DPP6: variants seen among roughly 807,000 people sequenced by gnomAD.
DPP6 encodes the protein A-type potassium channel modulatory protein DPP6.
DPP6 carries 69 observed loss-of-function variants against 122.6 expected under a neutral mutation model. The ratio of observed to expected loss-of-function variants is 0.56; its 90% CI spans 0.46 to 0.69. The LOEUF (loss-of-function observed/expected upper bound fraction) is 0.69. DPP6 is among the 30% of genes least tolerant of loss of function. The pLI, the probability that DPP6 is intolerant of heterozygous loss-of-function variation, is 0.00. For missense variants in DPP6, 928 were observed against 1,116.9 expected (o/e 0.83, Z 2.41); for synonymous variants, 418 against 433.1 (o/e 0.97, Z 0.43).
chr7:154,300,685 C>T (rs1805846481), intron 1 of DPP6, among the ~76,000 whole-genome samples: 1 of 152,124 alleles, frequency 6.6e-6, no homozygotes, highest in Non-Finnish European at 1.5e-5. Context: ...GGGGCAAGGG[C>T]TTGGATCAAA....
At chr7:153,828,072 A>G in the DPP6 span, among the ~76,000 whole-genome samples, 1 of 121,846 alleles carries the variant, frequency 8.2e-6, no homozygotes, top group African/African-American at 2.9e-5. Context: ...TCTGAATCCC[A>G]CATCACCCCA....
the DPP6 span, among the ~76,000 whole-genome samples, chr7:153,774,782 G>A: frequency 3.2e-4 from 48 of 152,190 alleles, 1 homozygote; most frequent in African/African-American, 1.1e-3. Context: ...CTGGGCAACA[G>A]AGCAAGACGT....
At chr7:154,738,723 G>A (rs573258197) in intron 8 of DPP6, among the ~76,000 whole-genome samples, 2 of 152,316 alleles carry the variant, frequency 1.3e-5, no homozygotes, top group East Asian at 3.9e-4. Context: ...TAGAAATTTG[G>A]TTGAGAATTT....
At chr7:154,818,733 G>A (rs1046581250) in intron 16 of DPP6, among the ~76,000 whole-genome samples, 2 of 152,162 alleles carry the variant, frequency 1.3e-5, no homozygotes, top group Non-Finnish European at 2.9e-5. Context: ...GTTTAGAACC[G>A]GTTTGAAGCT....
chr7:153,933,255 G>C (rs571169966), intron 1 of DPP6, among the ~76,000 whole-genome samples: 1 of 152,138 alleles, frequency 6.6e-6, no homozygotes, highest in East Asian at 1.9e-4. Context: ...ATTGCATTTG[G>C]CTTTAATATT....
At chr7:154,784,032 G>A (rs575730336) in intron 10 of DPP6, among the ~76,000 whole-genome samples, 1 of 152,262 alleles carries the variant, frequency 6.6e-6, no homozygotes, top group East Asian at 1.9e-4. Flanking sequence ...AACTGCACAA[G>A]GAAAGGAGAG....
At chr7:154,764,609 G>A (rs1795787726) in intron 8 of DPP6, among the ~76,000 whole-genome samples, 1 of 152,144 alleles carries the variant, frequency 6.6e-6, no homozygotes, top group African/African-American at 2.4e-5. Context: ...AGCAGGTTCT[G>A]CCATTCCACC....
chr7:154,407,246 T>C (rs1429446731), intron 1 of DPP6, among the ~76,000 whole-genome samples: 4 of 152,216 alleles, frequency 2.6e-5, no homozygotes, highest in African/African-American at 9.6e-5. Context: ...TTTGAGAAGA[T>C]TCCTCCAAGT....
intron 1 of DPP6, among the ~76,000 whole-genome samples, chr7:154,422,456 A>G (rs1817544101): frequency 6.6e-6 from 1 of 152,128 alleles, no homozygotes; most frequent in East Asian, 1.9e-4. Context: ...TTGGTCTGAG[A>G]TGTATTTTTT....
At chr7:154,806,444 C>G (rs990902836) in intron 15 of DPP6, among the ~76,000 whole-genome samples, 1 of 152,088 alleles carries the variant, frequency 6.6e-6, no homozygotes, top group Middle Eastern at 3.2e-3. Context: ...TGTGTAGCTC[C>G]GTTGAGTGGG....
intron 6 of DPP6, among the ~76,000 whole-genome samples, chr7:154,657,849 G>A (rs1328217030): frequency 1.3e-5 from 2 of 152,198 alleles, no homozygotes; most frequent in East Asian, 3.8e-4. Context: ...CAAAATCCGA[G>A]AGGCTGAGGC....
chr7:154,815,462 C>T (rs981021456), intron 16 of DPP6, among the ~76,000 whole-genome samples: 2 of 152,202 alleles, frequency 1.3e-5, no homozygotes, highest in Admixed American at 6.5e-5. Context: ...TCACAGTCCT[C>T]GCCTCTGTTG....
intron 1 of DPP6, among the ~76,000 whole-genome samples, chr7:154,122,256 T>G (rs1361745915): frequency 6.6e-6 from 1 of 152,166 alleles, no homozygotes; most frequent in Non-Finnish European, 1.5e-5. Flanking sequence ...ATTTGCATGT[T>G]GTGTACTGAT....
At chr7:154,575,621 G>GGT (rs1226015409) in intron 5 of DPP6, among the ~76,000 whole-genome samples, 65,086 of 132,584 alleles carry the variant, frequency 0.49, 16,702 homozygotes, top group East Asian at 0.94. Context: ...ATGTGTGTGT[G>GGT]GTGTGTGTGT....
chr7:154,052,596 G>A lies in DPP6; in HGVS notation c.-225G>A, dbSNP rs1322404814. 10 of 1,211,102 alleles carry A rather than the reference G, an allele frequency of 8.3e-6. No individual in the cohort carries two copies. The highest frequency in any genetic ancestry group is 6.2e-6 in the Non-Finnish European group (6 of 966,842). The allele number at this position is 1,211,102 out of a possible 1,614,324, so 75.0% of individuals were successfully genotyped here. A position where few individuals can be genotyped will look rare whatever the true frequency, so the allele number is the denominator to read the frequency against. On this transcript the variant is annotated 5_prime_UTR_variant, in exon 1 of 26. Transcript: ENST00000377770. This position sits in a 1 kb window ranked among gnomAD's most constrained non-coding sequence, Gnocchi z 4.8. ...AGCCCCGGCTTCGCGAGCCGCCGGG[G>A]AGGGGGCGGAGGAGGCTGAGCCAGG...
intron 1 of DPP6, among the ~76,000 whole-genome samples, chr7:153,904,401 G>A (rs1799762539): frequency 6.6e-6 from 1 of 152,072 alleles, no homozygotes; most frequent in East Asian, 1.9e-4. Flanking sequence ...TACACTTGGG[G>A]CATTTTCCCT....
rs1360044930 is a variant in DPP6 at position 154,061,872 on chromosome 7, C to T, written c.243+8809C>T. 3.7e-5 allele frequency among the ~76,000 whole-genome samples: 5 copies of T among 134,716 alleles called. 1 individual carries two copies. The highest frequency in any genetic ancestry group is 4.9e-5 in the Non-Finnish European group (3 of 61,076). The allele number at this position is 134,716 out of a possible 152,430, so 88.4% of individuals were successfully genotyped here. On this transcript the variant is annotated intron_variant, in intron 1 of 25. Coordinates refer to ENST00000377770, the MANE Select transcript of DPP6 (RefSeq NM_130797.4). Reference sequence around the variant, plus strand: ...CCATCGCTGGGGGCGGAGGCACCCCCCGCGAGGCAGGGACTGAGAGGCAAT... The same window carrying T: ...CCATCGCTGGGGGCGGAGGCACCCCTCGCGAGGCAGGGACTGAGAGGCAAT...
intron 1 of DPP6, among the ~76,000 whole-genome samples, chr7:154,200,109 G>A (rs929563231): frequency 6.6e-6 from 1 of 152,064 alleles, no homozygotes; most frequent in African/African-American, 2.4e-5. Flanking sequence ...ACATACATCG[G>A]TCATCAGTCA....
At chr7:153,808,256 CGT>C in the DPP6 span, among the ~76,000 whole-genome samples, 1 of 145,010 alleles carries the variant, frequency 6.9e-6, no homozygotes, top group Non-Finnish European at 1.5e-5. Flanking sequence ...CACGTGCGTG[CGT>C]GTGTGCCTGT....
Sources: allele counts gnomAD v4.1 joint callset (sites outside exome capture counted in the v4.1 genomes callset), GRCh38; gene constraint gnomAD v4.1.1; non-coding constraint Gnocchi (gnomAD v3.1); transcripts MANE v1.5; gene names NCBI Gene and HGNC (gene_info 2026-07-23, HGNC 2026-07-21).